MAP3K13: variants seen among roughly 807,000 people sequenced by gnomAD.
The protein encoded by MAP3K13 is leucine zipper-bearing kinase.
In MAP3K13, 52 loss-of-function variants were observed where a neutral mutation model predicts 104.0. The ratio of observed to expected loss-of-function variants is 0.50; its 90% CI spans 0.40 to 0.63. The LOEUF is 0.63. Ranked by LOEUF, MAP3K13 falls within the 20% of genes least tolerant of loss-of-function variation. The pLI, the probability that MAP3K13 is intolerant of heterozygous loss-of-function variation, is 0.00. For missense variants in MAP3K13, 914 were observed against 1,218.5 expected (o/e 0.75, Z 3.72); for synonymous variants, 394 against 442.2 (o/e 0.89, Z 1.37).
chr3:185,290,658 T>C (rs796448719), intron 2 of MAP3K13, among the ~76,000 whole-genome samples: 7 of 152,300 alleles, frequency 4.6e-5, no homozygotes, highest in African/African-American at 1.7e-4. Context: ...TTACCTGAAT[T>C]TCTTAATTTT....
At position 185,443,629 on chromosome 3, in the gene MAP3K13, T is replaced by A; in HGVS notation, c.844T>A (p.Ser282Thr). The change falls in exon 4 of 14, where the codon TCA (serine) becomes ACA (threonine). Residue 282 changes from serine (S) to threonine (T), a missense_variant. Physicochemically the swap from Ser to Thr is moderately conservative, Grantham distance 58. Transcript: ENST00000265026. Reference sequence around the variant, plus strand: ...TAAAATTATTCATCGTGATCTCAAATCACCTAAGTGAGTTCTGGGGCTAAT... The same window carrying A: ...TAAAATTATTCATCGTGATCTCAAAACACCTAAGTGAGTTCTGGGGCTAAT... The part of the protein sequence containing the change: ...LHKIIHRDLK[S>T]PNVLVTHTDA... 6.2e-7 allele frequency: 1 copy of A among 1,613,524 alleles called. No individual in the cohort carries two copies. The highest frequency in any genetic ancestry group is 1.1e-5 in the South Asian group (1 of 91,040).
intron 1 of MAP3K13, among the ~76,000 whole-genome samples, chr3:185,422,493 C>T (rs549705835): frequency 6.6e-6 from 1 of 152,306 alleles, no homozygotes; most frequent in Non-Finnish European, 1.5e-5. Context: ...GTCCACTTTA[C>T]ATTCATCCTT....
At position 185,401,422 on chromosome 3, in the gene MAP3K13, C is replaced by T. The variant is rs906073694; in HGVS notation, c.-85-27075C>T. Among the ~76,000 whole-genome samples the T allele has an allele frequency of 2.0e-5, 3 of 152,284 alleles. No homozygotes were observed. The South Asian group carries it at 6.2e-4, about 32-fold the overall frequency. ...GGGACAGGTCCCCTCCCTGTCTGGG[C>T]TCAGGGCTGCCCTTGTCTTCAGCCC... On this transcript the variant is annotated intron_variant, in intron 1 of 13. Transcript: ENST00000265026.
Position 185,482,561 on chromosome 3 carries a change from A to G in MAP3K13, c.*105A>G. On this transcript the variant is annotated 3_prime_UTR_variant, in exon 14 of 14. Transcript: ENST00000265026. The surrounding 1 kb of genome is among the most constrained non-coding windows in gnomAD (Gnocchi z 4.5). ...CTCCCAGCATTTTGTCTGGGAAGAG[A>G]GACTACCCCATCTTTACCACCCCCT... 1 of 804,582 alleles carries G rather than the reference A, an allele frequency of 1.2e-6. No homozygotes were observed. The allele number at this position is 804,582 out of a possible 1,614,324, so 49.8% of individuals were successfully genotyped here.
At chr3:185,291,973 G>T (rs1447018569) in intron 2 of MAP3K13, 16 of 1,067,926 alleles carry the variant, frequency 1.5e-5, no homozygotes, top group Non-Finnish European at 1.8e-5. Flanking sequence ...TAAATTTGGT[G>T]AATTTAGAAT....
intron 2 of MAP3K13, among the ~76,000 whole-genome samples, chr3:185,288,338 A>AT (rs1409543739): frequency 1.1e-4 from 17 of 151,912 alleles, no homozygotes; most frequent in Non-Finnish European, 2.1e-4. Context: ...GTGTACATAG[A>AT]TACATAGTAT....
chr3:185,467,820 AT>A (rs911060998), intron 10 of MAP3K13, among the ~76,000 whole-genome samples: 8 of 151,840 alleles, frequency 5.3e-5, no homozygotes, highest in Admixed American at 1.3e-4. Flanking sequence ...AGACTGGGTA[AT>A]TTATAAAGAT....
intron 2 of MAP3K13, among the ~76,000 whole-genome samples, chr3:185,334,297 C>T (rs73052864): frequency 1.3e-3 from 195 of 152,234 alleles, no homozygotes; most frequent in African/African-American, 4.3e-3. Context: ...GCAATATTGA[C>T]GAAATTGACA....
At chr3:185,322,048 A>G (rs985677690) in intron 2 of MAP3K13, among the ~76,000 whole-genome samples, 1 of 152,246 alleles carries the variant, frequency 6.6e-6, no homozygotes, top group African/African-American at 2.4e-5. Flanking sequence ...TCCTGTAAGA[A>G]CATTCTATGC....
At chr3:185,334,410 C>T (rs1377133487) in intron 2 of MAP3K13, among the ~76,000 whole-genome samples, 3 of 152,086 alleles carry the variant, frequency 2.0e-5, no homozygotes, top group African/African-American at 7.2e-5. Flanking sequence ...GTGACTTGAA[C>T]ACTTAACTCT....
chr3:185,307,548 C>CT (rs1721334665), intron 2 of MAP3K13, among the ~76,000 whole-genome samples: 1 of 127,914 alleles, frequency 7.8e-6, no homozygotes, highest in African/African-American at 3.2e-5. Flanking sequence ...ACCACCCCCT[C>CT]CCCCGCCACC....
At position 185,483,765 on chromosome 3, in the gene MAP3K13, T is replaced by C. The variant is rs1466452292; in HGVS notation, c.*1309T>C. ...TTTGCTCTTTTTGCCCAGGCTAGAG[T>C]GCAATGGCACAATCTCAGTTCACTG... On this transcript the variant is annotated 3_prime_UTR_variant, in exon 14 of 14. Coordinates refer to ENST00000265026, the MANE Select transcript of MAP3K13 (RefSeq NM_004721.5). 1 of 54,022 alleles carries C rather than the reference T, an allele frequency of 1.9e-5. No homozygotes were observed. The highest frequency in any genetic ancestry group is 7.5e-5 in the African/African-American group (1 of 13,280). The allele number at this position is 54,022 out of a possible 1,614,324, so 3.3% of individuals were successfully genotyped here.
intron 1 of MAP3K13, among the ~76,000 whole-genome samples, chr3:185,409,428 C>T (rs1440929587): frequency 1.3e-5 from 2 of 152,020 alleles, no homozygotes; most frequent in African/African-American, 4.8e-5. Context: ...CAAATCAAAA[C>T]CACAATGAGA....
At chr3:185,441,219 C>G (rs1715301312) in intron 3 of MAP3K13, among the ~76,000 whole-genome samples, 1 of 152,118 alleles carries the variant, frequency 6.6e-6, no homozygotes, top group African/African-American at 2.4e-5. Flanking sequence ...TAATTTGGGG[C>G]AGATTAAATA....
intron 10 of MAP3K13, among the ~76,000 whole-genome samples, chr3:185,472,205 CTTTTTTTTTTT>C (rs568380003): frequency 1.6e-4 from 19 of 118,630 alleles, no homozygotes; most frequent in Admixed American, 1.5e-3. Flanking sequence ...ATCCCTTCTT[CTTTTTTTTTTT>C]TTTTTTTTTT....
chr3:185,440,276 A>T (rs1715253060), intron 3 of MAP3K13, among the ~76,000 whole-genome samples: 2 of 152,166 alleles, frequency 1.3e-5, no homozygotes, highest in South Asian at 2.1e-4. Flanking sequence ...TAGTACAGGG[A>T]TGATGGAATG....
intron 2 of MAP3K13, among the ~76,000 whole-genome samples, chr3:185,318,099 A>G (rs1293539332): frequency 1.3e-5 from 2 of 152,156 alleles, no homozygotes; most frequent in East Asian, 3.8e-4. Context: ...ATTTCAAATC[A>G]CAAATAATAA....
chr3:185,408,953 T>A (rs543679159), intron 1 of MAP3K13, among the ~76,000 whole-genome samples: 1 of 152,238 alleles, frequency 6.6e-6, no homozygotes, highest in South Asian at 2.1e-4. Context: ...TCAGAAGGCG[T>A]CTACCAATGA....
intron 1 of MAP3K13, among the ~76,000 whole-genome samples, chr3:185,410,296 A>C (rs1190667414): frequency 6.6e-6 from 1 of 152,184 alleles, no homozygotes; most frequent in Non-Finnish European, 1.5e-5. Context: ...AGAAGCTAAG[A>C]AAGTTAAACT....
Sources: gnomAD v4.1 joint callset for allele counts (sites outside exome capture counted in the v4.1 genomes callset) on GRCh38, gnomAD v4.1.1 for gene constraint, Gnocchi (gnomAD v3.1) non-coding constraint, MANE v1.5 for transcripts, NCBI Gene and HGNC (gene_info 2026-07-23, HGNC 2026-07-21) for gene names.